EIF4A3: variants seen among roughly 807,000 people sequenced by gnomAD.
The protein encoded by EIF4A3 is eukaryotic initiation factor 4A-III.
EIF4A3 carries 1 observed loss-of-function variant against 55.6 expected under a neutral mutation model. That is an observed-to-expected ratio of 0.02 (90% CI 0.01 to 0.09). The LOEUF is 0.09. Ranked by LOEUF, EIF4A3 falls within the 10% of genes least tolerant of loss-of-function variation. The pLI, the probability that EIF4A3 is intolerant of heterozygous loss-of-function variation, is 1.00. For synonymous variants in EIF4A3, 194 were observed against 196.3 expected (o/e 0.99, Z 0.10); for missense variants, 221 against 540.7 (o/e 0.41, Z 5.86).
At chr17:80,135,631 C>T in intron 11 of EIF4A3, 125 bp from the exon 12 acceptor site, 1 of 843,348 alleles carries the variant, frequency 1.2e-6, no homozygotes, top group East Asian at 2.7e-5. Flanking sequence ...CATAGTGGCT[C>T]ACGCCTGTAA....
At chr17:80,141,708 C>T in intron 3 of EIF4A3, 74 bp downstream of exon 3, 20 of 1,449,474 alleles carry the variant, frequency 1.4e-5, no homozygotes, top group Non-Finnish European at 1.7e-5. Context: ...ACTTTTTGAA[C>T]ACTGTAGTTA....
At position 80,141,299 on chromosome 17, in the gene EIF4A3, G is replaced by A. The variant is rs776424966; in HGVS notation, c.372+20C>T. ...AAGCAGTACTTGTTAATCGGACACC[G>A]CTATCTTTAGCCATCTCACCTTCTG... On this transcript the variant is annotated intron_variant, in intron 4 of 11. Coordinates refer to ENST00000649764, the MANE Select transcript of EIF4A3 (RefSeq NM_014740.4). The A allele has an allele frequency of 2.2e-5, 36 of 1,606,690 alleles. No individual in the cohort carries two copies. The highest frequency in any genetic ancestry group is 1.7e-4 in the Middle Eastern group (1 of 6,054).
At position 80,134,671 on chromosome 17, in the gene EIF4A3, A is replaced by C. The variant is rs1390768697; in HGVS notation, c.*819T>G. On this transcript the variant is annotated 3_prime_UTR_variant, in exon 12 of 12. Transcript: ENST00000649764. ...AGACCCTGTCTCTACAAAAAATTTA[A>C]ATATTAGCCAGATGTGCTGGCATGC... Among the ~76,000 whole-genome samples the C allele has an allele frequency of 6.6e-6, 1 of 152,160 alleles. No individual in the cohort carries two copies. The highest frequency in any genetic ancestry group is 1.5e-5 in the Non-Finnish European group (1 of 68,032).
At chr17:80,146,739 C>T (rs1268279481) in intron 1 of EIF4A3, 54 bp downstream of exon 1, 1 of 1,570,450 alleles carries the variant, frequency 6.4e-7, no homozygotes, top group African/African-American at 1.4e-5. Context: ...CCCTCAGCCC[C>T]CGGCTCGCCC....
At chr17:80,141,407 A>AG (rs1653685737) in intron 3 of EIF4A3, 26 bp from the exon 4 acceptor site, 14 of 1,609,368 alleles carry the variant, frequency 8.7e-6, no homozygotes, top group Non-Finnish European at 9.4e-6. Flanking sequence ...ATCAGAAAAT[A>AG]GAGAATCCGC....
intron 2 of EIF4A3, among the ~76,000 whole-genome samples, chr17:80,142,927 T>C (rs996784262): frequency 2.0e-5 from 3 of 152,138 alleles, no homozygotes; most frequent in African/African-American, 7.2e-5. Context: ...TAGTCCCAGC[T>C]ACTTGGGAGG....
At chr17:80,142,129 C>A (rs1454598502) in intron 2 of EIF4A3, among the ~76,000 whole-genome samples, 1 of 152,220 alleles carries the variant, frequency 6.6e-6, no homozygotes, top group Non-Finnish European at 1.5e-5. Flanking sequence ...AAGGAGGACT[C>A]CCCTTTATCT....
chr17:80,139,615 A>G (rs1198051186), intron 6 of EIF4A3, 55 bp downstream of exon 6: 1 of 1,501,610 alleles, frequency 6.7e-7, no homozygotes, highest in African/African-American at 1.4e-5. Context: ...ACACTGTGAA[A>G]ATTTAAGAAC....
chr17:80,137,399 G>A lies in EIF4A3; in HGVS notation c.970C>T (p.Arg324Trp), dbSNP rs747890720. 1.9e-6 allele frequency: 3 copies of A among 1,613,426 alleles called. No individual in the cohort carries two copies. The highest frequency in any genetic ancestry group is 1.7e-5 in the Admixed American group (1 of 59,920). ...TAGCAGACCCACCTGGCGCCCGACCGGAACTCCTTCATGATGGACTCCCGC... is the reference window on the plus strand; with the variant it reads ...TAGCAGACCCACCTGGCGCCCGACCAGAACTCCTTCATGATGGACTCCCGC... ...KERESIMKEF[R>W]SGASRVLIST... Residue 324 changes from arginine (R) to tryptophan (W), a missense_variant, in exon 9 of 12, where the codon CGG (arginine) becomes TGG (tryptophan). By Grantham distance (101) the Arg-to-Trp change is moderately radical. Around this residue, in one of 4 missense-constraint regions of EIF4A3, gnomAD observed 93 missense variants for 278.5 expected, o/e 0.33. Transcript: ENST00000649764.
In EIF4A3 at chr17:80,138,935, C is replaced by T. The variant is rs369642771; in HGVS notation, c.728+86G>A. The T allele has an allele frequency of 2.9e-5, 45 of 1,553,166 alleles. No homozygotes were observed. In the South Asian group the frequency reaches 3.6e-4, roughly 12 times the overall value. ...CTTCAGCAACACAGCCAGACTCTGG[C>T]TATAAAAAGTTTTTGAAATTACGAC... On this transcript the variant is annotated intron_variant, in intron 7 of 11. Coordinates refer to ENST00000649764, the MANE Select transcript of EIF4A3 (RefSeq NM_014740.4).
At position 80,137,436 on chromosome 17, in the gene EIF4A3, C is replaced by T; in HGVS notation, c.933G>A (p.Met311Ile). ...TGATGGACTCCCGCTCTTTCTGGGG[C>T]ATGTCTCCATGCATTGAGGATACAG... Reference protein sequence around the residue: ...NFTVSSMHGDMPQKERESIMK... With the variant: ...NFTVSSMHGDIPQKERESIMK... The change falls in exon 9 of 12, where the codon ATG becomes ATA. Residue 311 changes from methionine to isoleucine, a missense_variant. Transcript: ENST00000649764. 1.2e-6 allele frequency: 2 copies of T among 1,614,096 alleles called. No individual in the cohort carries two copies. Among genetic ancestry groups the T allele is most frequent in the Admixed American group, 1.7e-5 (1 of 60,010 alleles).
At chr17:80,138,328 G>T in intron 7 of EIF4A3, 48 bp from the exon 8 acceptor site, 2 of 1,604,872 alleles carry the variant, frequency 1.2e-6, no homozygotes, top group South Asian at 1.1e-5. Flanking sequence ...TTCCTTCTAG[G>T]ACTTGAGGGT....
intron 4 of EIF4A3, among the ~76,000 whole-genome samples, chr17:80,140,770 T>C (rs952061236): frequency 6.6e-6 from 1 of 152,222 alleles, no homozygotes; most frequent in African/African-American, 2.4e-5. Context: ...CATACATCTT[T>C]ATACTACGTT....
chr17:80,143,551 C>T (rs922035338), intron 2 of EIF4A3, among the ~76,000 whole-genome samples: 1 of 152,166 alleles, frequency 6.6e-6, no homozygotes, highest in African/African-American at 2.4e-5. Context: ...CACCTCTGCT[C>T]ACAGAAGTCT....
At chr17:80,135,772 G>A (rs2039565358) in intron 11 of EIF4A3, 6 of 616,654 alleles carry the variant, frequency 9.7e-6, no homozygotes, top group Non-Finnish European at 1.7e-5. Context: ...GCACGTGTCT[G>A]TAATTCCAGC....
chr17:80,141,538 C>G (rs890781414), intron 3 of EIF4A3, among the ~76,000 whole-genome samples, 157 bp from the exon 4 acceptor site: 2 of 152,184 alleles, frequency 1.3e-5, no homozygotes, highest in African/African-American at 4.8e-5. Flanking sequence ...AATTGCAAAT[C>G]CAACAATAAC....
chr17:80,137,713 A>C, intron 8 of EIF4A3: 1 of 534,154 alleles, frequency 1.9e-6, no homozygotes, highest in Non-Finnish European at 3.3e-6. Flanking sequence ...TTTTCTCCAT[A>C]TAATGACTCT....
chr17:80,134,738 C>G lies in EIF4A3; in HGVS notation c.*752G>C, dbSNP rs890071697. Among the ~76,000 whole-genome samples, 1 of 152,140 alleles carries G rather than the reference C, an allele frequency of 6.6e-6. No individual in the cohort carries two copies. Among genetic ancestry groups the G allele is most frequent in the African/African-American group, 2.4e-5 (1 of 41,430 alleles). On this transcript the variant is annotated 3_prime_UTR_variant, in exon 12 of 12. Coordinates refer to ENST00000649764, the MANE Select transcript of EIF4A3 (RefSeq NM_014740.4). ...ACTCAGGAGGGTGAGGTGAGAGGAT[C>G]GCTTGAGCCCAGGAGGTTGTGGCTG...
chr17:80,143,208 C>T (rs1263771831), intron 2 of EIF4A3, among the ~76,000 whole-genome samples: 1 of 152,108 alleles, frequency 6.6e-6, no homozygotes, highest in Non-Finnish European at 1.5e-5. Context: ...CAGTGGAACA[C>T]AAGGAGGTTC....
Sources: gnomAD v4.1 joint callset for allele counts (sites outside exome capture counted in the v4.1 genomes callset) on GRCh38, gnomAD v4.1.1 for gene constraint, gnomAD v4.1.1 regional missense constraint, MANE v1.5 for transcripts, NCBI Gene and HGNC (gene_info 2026-07-23, HGNC 2026-07-21) for gene names.